Variants in DGKI observed in about 807,000 individuals in gnomAD.
DGKI encodes the protein diacylglycerol kinase iota, also known as DAG kinase iota.
Under a neutral mutation model 147.5 loss-of-function variants are expected in DGKI, and 55 were observed. The ratio of observed to expected loss-of-function variants is 0.37; its 90% CI spans 0.30 to 0.47. The LOEUF (loss-of-function observed/expected upper bound fraction) is 0.47, where lower values mean the gene tolerates loss of function less well. Ranked by LOEUF, DGKI falls within the 20% of genes least tolerant of loss-of-function variation. The pLI, the probability that DGKI is intolerant of heterozygous loss-of-function variation, is 1.00. For synonymous variants in DGKI, 469 were observed against 477.1 expected (o/e 0.98, Z 0.22); for missense variants, 1,007 against 1,323.8 (o/e 0.76, Z 3.71).
At chr7:137,644,802 G>A (rs543895901) in intron 6 of DGKI, among the ~76,000 whole-genome samples, 2 of 152,236 alleles carry the variant, frequency 1.3e-5, no homozygotes, top group African/African-American at 2.4e-5. Flanking sequence ...CATCCTTAAA[G>A]TAGATCTTTG....
At chr7:137,662,114 T>C (rs1822455276) in intron 3 of DGKI, among the ~76,000 whole-genome samples, 1 of 152,168 alleles carries the variant, frequency 6.6e-6, no homozygotes, top group Admixed American at 6.5e-5. Flanking sequence ...AAAGTTCCAT[T>C]AATATGATTT....
intron 28 of DGKI, among the ~76,000 whole-genome samples, chr7:137,417,386 G>A (rs1812398785): frequency 6.6e-6 from 1 of 152,142 alleles, no homozygotes; most frequent in African/African-American, 2.4e-5. Context: ...CATAGGAAAT[G>A]GTTTATTTTT....
intron 15 of DGKI, among the ~76,000 whole-genome samples, chr7:137,579,456 G>GA (rs1297240371): frequency 7.3e-6 from 1 of 137,276 alleles, no homozygotes; most frequent in African/African-American, 2.9e-5. Flanking sequence ...AAAAAAGAAA[G>GA]AAAAAAAGGC....
chr7:137,413,080 G>C (rs1467376749), intron 28 of DGKI, among the ~76,000 whole-genome samples: 2 of 151,966 alleles, frequency 1.3e-5, no homozygotes, highest in African/African-American at 4.8e-5. Flanking sequence ...GACCAGCTTG[G>C]CCAACATGGT....
At chr7:137,798,404 C>T (rs562765984) in intron 1 of DGKI, among the ~76,000 whole-genome samples, 4 of 152,072 alleles carry the variant, frequency 2.6e-5, no homozygotes, top group South Asian at 2.1e-4. Context: ...AAGAGCAGGC[C>T]GATATCTGCT....
intron 1 of DGKI, among the ~76,000 whole-genome samples, chr7:137,835,770 T>A (rs1220716313): frequency 6.6e-6 from 1 of 152,216 alleles, no homozygotes; most frequent in Non-Finnish European, 1.5e-5. Context: ...GTGAGATTAA[T>A]TCAAGTAAGT....
chr7:137,769,220 T>A (rs943799258), intron 1 of DGKI, among the ~76,000 whole-genome samples: 1 of 152,180 alleles, frequency 6.6e-6, no homozygotes, highest in Non-Finnish European at 1.5e-5. Flanking sequence ...ACCCGGTAGA[T>A]GAACTCTGAC....
At chr7:137,718,730 A>G (rs1346528572) in intron 1 of DGKI, among the ~76,000 whole-genome samples, 1 of 152,214 alleles carries the variant, frequency 6.6e-6, no homozygotes, top group Non-Finnish European at 1.5e-5. Context: ...ATACACTAGC[A>G]GGTCTCTCAG....
At chr7:137,683,095 T>C (rs946563404) in intron 2 of DGKI, among the ~76,000 whole-genome samples, 1 of 152,130 alleles carries the variant, frequency 6.6e-6, no homozygotes, top group African/African-American at 2.4e-5. Context: ...CCCCAATTAC[T>C]TACTATACGC....
chr7:137,669,212 G>A (rs1228927276), intron 3 of DGKI, among the ~76,000 whole-genome samples: 4 of 152,176 alleles, frequency 2.6e-5, no homozygotes, highest in Non-Finnish European at 5.9e-5. Flanking sequence ...ATTTCCTCGT[G>A]TTTTTAAAGC....
chr7:137,588,690 A>G (rs1167232367), intron 12 of DGKI, among the ~76,000 whole-genome samples: 2 of 152,004 alleles, frequency 1.3e-5, no homozygotes, highest in Non-Finnish European at 2.9e-5. Flanking sequence ...GTTAGCCAGG[A>G]TGGTCTCAAT....
At chr7:137,595,180 T>C (rs972706620) in intron 12 of DGKI, among the ~76,000 whole-genome samples, 1 of 152,230 alleles carries the variant, frequency 6.6e-6, no homozygotes, top group Non-Finnish European at 1.5e-5. Context: ...CTATCATTAA[T>C]GAAGAGTTGC....
chr7:137,800,273 T>C (rs1366916978), intron 1 of DGKI, among the ~76,000 whole-genome samples: 2 of 152,078 alleles, frequency 1.3e-5, no homozygotes, highest in Admixed American at 6.5e-5. Flanking sequence ...GGTTTGGATG[T>C]TTGTCCCCAC....
At chr7:137,723,122 G>A (rs977208380) in intron 1 of DGKI, among the ~76,000 whole-genome samples, 16 of 152,294 alleles carry the variant, frequency 1.1e-4, no homozygotes, top group Middle Eastern at 6.8e-3. Context: ...CTCAGAACCT[G>A]TTAGGTATGA....
intron 1 of DGKI, among the ~76,000 whole-genome samples, chr7:137,780,553 G>C (rs912717272): frequency 3.9e-5 from 6 of 152,118 alleles, no homozygotes; most frequent in African/African-American, 1.4e-4. Context: ...AGAAAGCGTG[G>C]TTTCACTTTG....
At chr7:137,834,637 TGAG>T (rs1798310511) in intron 1 of DGKI, among the ~76,000 whole-genome samples, 1 of 152,162 alleles carries the variant, frequency 6.6e-6, no homozygotes, top group South Asian at 2.1e-4. Context: ...AGGGGAATGG[TGAG>T]GAGCAGTATT....
At chr7:137,744,173 T>A in intron 1 of DGKI, among the ~76,000 whole-genome samples, 1 of 150,690 alleles carries the variant, frequency 6.6e-6, no homozygotes, top group South Asian at 2.1e-4. Context: ...AAAGAGAAGA[T>A]CCAAATAAGC....
chr7:137,824,968 A>T (rs535735945), intron 1 of DGKI, among the ~76,000 whole-genome samples: 2 of 152,200 alleles, frequency 1.3e-5, no homozygotes, highest in South Asian at 4.1e-4. Flanking sequence ...ATTTATGGGG[A>T]TTTAGGTTGA....
rs6958415 is a variant in DGKI, at chr7:137,680,800, A to G, written c.511-2148T>C. ...TGACTCAAAAGAAAAGAGAAAAAAA[A>G]AAGGAATATACACTAAATGACATTT... On this transcript the variant is annotated intron_variant, in intron 2 of 32. Transcript: ENST00000614521. 6.2e-3 allele frequency among the ~76,000 whole-genome samples: 946 copies of G among 152,324 alleles called. 13 individuals carry two copies. The highest frequency in any genetic ancestry group is 0.022 in the African/African-American group (898 of 41,574).
Sources: allele counts gnomAD v4.1 joint callset (sites outside exome capture counted in the v4.1 genomes callset), GRCh38; gene constraint gnomAD v4.1.1; transcripts MANE v1.5; gene names NCBI Gene and HGNC (gene_info 2026-07-23, HGNC 2026-07-21).